The following LRRN2 variants were observed in gnomAD, a reference collection of about 807,000 sequenced individuals.
LRRN2 encodes the protein leucine rich repeat neuronal 2.
Under a neutral mutation model 35.7 loss-of-function variants are expected in LRRN2, and 10 were observed. The observed-to-expected ratio is 0.28, with a 90% confidence interval of 0.17 to 0.47. LRRN2 has a LOEUF of 0.47. Ranked by LOEUF, LRRN2 falls within the 20% of genes least tolerant of loss-of-function variation. The probability of loss-of-function intolerance (pLI) is 0.99; values close to 1 mark genes in which losing one functional copy is unlikely to be tolerated. For synonymous variants in LRRN2, 391 were observed against 409.6 expected, an observed-to-expected ratio of 0.95 and a Z score of 0.55; for missense variants, 731 against 940.3, an observed-to-expected ratio of 0.78 and a Z score of 2.91.
chr1:204,654,298 A>C (rs1173689802), intron 1 of LRRN2, among the ~76,000 whole-genome samples: 1 of 152,164 alleles, frequency 6.6e-6, no homozygotes, highest in Non-Finnish European at 1.5e-5. Flanking sequence ...TGGGTACTGA[A>C]ATGTTCAAAG....
chr1:204,679,831 A>C (rs1668906308), intron 1 of LRRN2, among the ~76,000 whole-genome samples: 1 of 152,240 alleles, frequency 6.6e-6, no homozygotes, highest in African/African-American at 2.4e-5. Context: ...GCTGAGACAG[A>C]AGGAAACAAT....
intron 1 of LRRN2, chr1:204,682,895 T>C (rs1357671504): frequency 6.6e-5 from 10 of 152,240 alleles, no homozygotes; most frequent in Admixed American, 6.5e-4. Context: ...CTGTGGGTCT[T>C]TGAACGAGCC....
At chr1:204,676,829 T>C (rs1270848166) in intron 1 of LRRN2, among the ~76,000 whole-genome samples, 2 of 152,156 alleles carry the variant, frequency 1.3e-5, no homozygotes, top group South Asian at 2.1e-4. Flanking sequence ...GCAGGTACTT[T>C]ACACAGATTA....
In LRRN2 at chr1:204,625,035, C is replaced by T. The variant is rs541302388; in HGVS notation, c.-226-4817G>A. ...AAGCCTGGCCCCTCACTTCCACCTC[C>T]CATTTAATCACACACAACCAGAACC... On this transcript the variant is annotated intron_variant, in intron 1 of 1. Transcript: ENST00000367177. 7.9e-5 allele frequency among the ~76,000 whole-genome samples: 12 copies of T among 152,336 alleles called. No homozygotes were observed. In the South Asian group the frequency reaches 1.9e-3, roughly 24 times the overall value.
At position 204,618,539 on chromosome 1, in the gene LRRN2, C is replaced by T. The variant is rs751191984; in HGVS notation, c.1454G>A (p.Arg485Gln). 8.9e-5 allele frequency: 144 copies of T among 1,614,036 alleles called. No individual in the cohort carries two copies. Among genetic ancestry groups the T allele is most frequent in the South Asian group, 2.2e-4 (20 of 91,086 alleles). Residue 485 changes from arginine to glutamine, a missense_variant, in exon 2 of 2, where the codon CGG becomes CAG. Arg to Gln is a conservative substitution (Grantham distance 43). Around this residue, in one of 3 missense-constraint regions of LRRN2, gnomAD observed 256 missense variants for 392.4 expected, o/e 0.65. Coordinates refer to ENST00000367177, the MANE Select transcript of LRRN2 (RefSeq NM_201630.2). ...RVYPEGTLEL[R>Q]RVTAEEAGLY... Reference sequence around the variant, plus strand: ...CCCTGCCTCTTCTGCTGTCACCCTCCGCAGCTCCAGGGTCCCCTCGGGGTA... The same window carrying T: ...CCCTGCCTCTTCTGCTGTCACCCTCTGCAGCTCCAGGGTCCCCTCGGGGTA...
chr1:204,651,286 G>GC (rs1668219330), intron 1 of LRRN2, among the ~76,000 whole-genome samples: 1 of 152,202 alleles, frequency 6.6e-6, no homozygotes, highest in Non-Finnish European at 1.5e-5. Flanking sequence ...AGTCCAGCTG[G>GC]CTGGCACCTT....
intron 1 of LRRN2, among the ~76,000 whole-genome samples, chr1:204,636,981 C>T (rs1667849989): frequency 6.6e-6 from 1 of 152,080 alleles, no homozygotes. Flanking sequence ...CTGCAATTTG[C>T]TTTGAAATGC....
chr1:204,664,129 T>C (rs1204563694), intron 1 of LRRN2: 1 of 152,204 alleles, frequency 6.6e-6, no homozygotes, highest in Non-Finnish European at 1.5e-5. Flanking sequence ...GGAAGGTTAC[T>C]GAGGTCATTG....
chr1:204,680,532 G>C (rs1668923912), intron 1 of LRRN2, among the ~76,000 whole-genome samples: 1 of 152,242 alleles, frequency 6.6e-6, no homozygotes, highest in Admixed American at 6.5e-5. Context: ...AGAAGTGCCA[G>C]AAGGCAGAGT....
rs534178325 is a variant in LRRN2, at chr1:204,683,670, T to C, written c.-227+1650A>G. 2.4e-3 allele frequency among the ~76,000 whole-genome samples: 366 copies of C among 152,242 alleles called. 4 individuals carry two copies. Among genetic ancestry groups the C allele is most frequent in the African/African-American group, 8.5e-3 (353 of 41,526 alleles). ...GGGGGTGTTCCTAGGTGCCAGACCCTGGGCAGACCTCAATCTCCCAGGCAC... is the reference window on the plus strand; with the variant it reads ...GGGGGTGTTCCTAGGTGCCAGACCCCGGGCAGACCTCAATCTCCCAGGCAC... On this transcript the variant is annotated intron_variant, in intron 1 of 1. Coordinates refer to ENST00000367177, the MANE Select transcript of LRRN2 (RefSeq NM_201630.2).
chr1:204,654,267 G>GA (rs1359398479), intron 1 of LRRN2, among the ~76,000 whole-genome samples: 1 of 152,180 alleles, frequency 6.6e-6, no homozygotes, highest in Non-Finnish European at 1.5e-5. Context: ...AATTACCCGA[G>GA]AAGGGGTACG....
intron 1 of LRRN2, among the ~76,000 whole-genome samples, chr1:204,671,130 G>A (rs940861374): frequency 6.6e-6 from 1 of 152,064 alleles, no homozygotes; most frequent in African/African-American, 2.4e-5. Context: ...AAGGAGGAGA[G>A]GACTGGCCCA....
chr1:204,618,832 G>C lies in LRRN2; in HGVS notation c.1161C>G (p.Val387=). 2 of 1,614,150 alleles carry C rather than the reference G, an allele frequency of 1.2e-6. No homozygotes were observed. Among genetic ancestry groups the C allele is most frequent in the Non-Finnish European group, 1.7e-6 (2 of 1,180,032 alleles). The stretch of plus-strand genomic sequence containing the variant: ...GGGTGGATTGCGGCTCGATGAAGCG[G>C]ACACGGGTGCCCGTGGCATTGGCCC... ...IRWANATGTR[V]RFIEPQSTLC... Residue 387 remains valine, a synonymous_variant, in exon 2 of 2, where the codon GTC becomes GTG. Transcript: ENST00000367177.
rs762657298 is a variant in LRRN2, at chr1:204,618,822, CGAT to C, written c.1168_1170del (p.Ile390del). On this transcript the variant is annotated inframe_deletion, in exon 2 of 2. Transcript: ENST00000367177. Reference sequence around the variant, plus strand: ...TCCGCACACAGGGTGGATTGCGGCTCGATGAAGCGGACACGGGTGCCCGTGGCA... The same window carrying C: ...TCCGCACACAGGGTGGATTGCGGCTCGAAGCGGACACGGGTGCCCGTGGCA... 1.9e-6 allele frequency: 3 copies of C among 1,614,042 alleles called. No individual in the cohort carries two copies. The highest frequency in any genetic ancestry group is 2.5e-6 in the Non-Finnish European group (3 of 1,180,034).
chr1:204,644,283 C>G (rs1668052249), intron 1 of LRRN2, among the ~76,000 whole-genome samples: 1 of 152,200 alleles, frequency 6.6e-6, no homozygotes, highest in African/African-American at 2.4e-5. Flanking sequence ...TCTTCCCTGA[C>G]ATTCCACAGT....
chr1:204,650,857 A>G (rs1309484322), intron 1 of LRRN2, among the ~76,000 whole-genome samples: 1 of 152,112 alleles, frequency 6.6e-6, no homozygotes, highest in Non-Finnish European at 1.5e-5. Context: ...GACATCAGAG[A>G]GTGGTAGGGG....
intron 1 of LRRN2, among the ~76,000 whole-genome samples, chr1:204,681,781 A>G (rs1668961663): frequency 6.6e-6 from 1 of 152,250 alleles, no homozygotes; most frequent in African/African-American, 2.4e-5. Flanking sequence ...GGAAAGTAAC[A>G]GATAAAGGCA....
intron 1 of LRRN2, among the ~76,000 whole-genome samples, chr1:204,650,456 G>C (rs1048832664): frequency 6.6e-6 from 1 of 152,170 alleles, no homozygotes; most frequent in African/African-American, 2.4e-5. Flanking sequence ...CTCAGGCAGG[G>C]AGAGACTGAG....
At chr1:204,658,780 A>G (rs1310935689) in intron 1 of LRRN2, among the ~76,000 whole-genome samples, 1 of 152,170 alleles carries the variant, frequency 6.6e-6, no homozygotes, top group East Asian at 1.9e-4. Context: ...CTCAAGTTCC[A>G]AAATTGTACT....
Sources: allele counts gnomAD v4.1 joint callset (sites outside exome capture counted in the v4.1 genomes callset), GRCh38; gene constraint gnomAD v4.1.1; regional missense constraint gnomAD v4.1.1; transcripts MANE v1.5; gene names NCBI Gene and HGNC (gene_info 2026-07-23, HGNC 2026-07-21).